The following EPHA4 variants were observed in gnomAD, a reference collection of about 807,000 sequenced individuals.
EPHA4 encodes ephrin type-A receptor 4.
EPHA4 carries 19 observed loss-of-function variants against 108.3 expected under a neutral mutation model. The observed-to-expected ratio is 0.18, with a 90% CI of 0.12 to 0.26. The LOEUF (loss-of-function observed/expected upper bound fraction) is 0.26, where lower values mean the gene tolerates loss of function less well. Ranked by LOEUF, EPHA4 falls within the 10% of genes least tolerant of loss-of-function variation. EPHA4 has a pLI of 1.00. For synonymous variants in EPHA4, 449 were observed against 455.5 expected, an observed-to-expected ratio of 0.99 and a Z score of 0.18; for missense variants, 917 against 1,254.0, an observed-to-expected ratio of 0.73 and a Z score of 4.06.
chr2:221,458,664 A>C (rs1278177657), intron 5 of EPHA4, among the ~76,000 whole-genome samples: 1 of 152,152 alleles, frequency 6.6e-6, no homozygotes, highest in Non-Finnish European at 1.5e-5. Flanking sequence ...TTCCACTGCG[A>C]AGGACACAAA....
intron 2 of EPHA4, 66 bp downstream of exon 2, chr2:221,568,652 G>C (rs1694739155): frequency 2.3e-6 from 3 of 1,300,548 alleles, no homozygotes; most frequent in Middle Eastern, 1.9e-4. Context: ...AAGCCATTAG[G>C]ACTCTCAGAA....
At chr2:221,430,610 T>A (rs1302401480) in intron 14 of EPHA4, among the ~76,000 whole-genome samples, 2 of 152,140 alleles carry the variant, frequency 1.3e-5, no homozygotes, top group African/African-American at 4.8e-5. Flanking sequence ...TTTCTTTGCC[T>A]CCTTTTAAGG....
intron 17 of EPHA4, among the ~76,000 whole-genome samples, chr2:221,424,119 GTAA>G (rs200318871): frequency 1.4e-5 from 2 of 145,662 alleles, no homozygotes; most frequent in African/African-American, 5.0e-5. Flanking sequence ...GTCTCAAATA[GTAA>G]TAATAATAAT....
At chr2:221,456,529 A>T in intron 7 of EPHA4, 84 bp downstream of exon 7, 3 of 1,425,038 alleles carry the variant, frequency 2.1e-6, no homozygotes, top group Non-Finnish European at 2.9e-6. Context: ...ATTACAGACA[A>T]CTCCTTAGAT....
chr2:221,463,216 C>T (rs1005741889), intron 5 of EPHA4, among the ~76,000 whole-genome samples: 18 of 152,032 alleles, frequency 1.2e-4, no homozygotes, highest in African/African-American at 4.3e-4. Context: ...GAAATTGTAG[C>T]AAAATACCAT....
At chr2:221,426,404 A>G in intron 16 of EPHA4, 60 bp downstream of exon 16, 1 of 1,540,844 alleles carries the variant, frequency 6.5e-7, no homozygotes, top group Non-Finnish European at 8.7e-7. Flanking sequence ...CTCAAAGCAA[A>G]AAAAGAAAAT....
intron 3 of EPHA4, among the ~76,000 whole-genome samples, chr2:221,553,052 G>A (rs988584199): frequency 2.0e-5 from 3 of 152,194 alleles, no homozygotes; most frequent in African/African-American, 7.2e-5. Flanking sequence ...CAAGAAAAAG[G>A]AGGGGTTGGG....
upstream of EPHA4, chr2:221,572,550 G>A (rs1034119294): frequency 1.5e-4 from 34 of 228,362 alleles, no homozygotes; most frequent in African/African-American, 7.8e-4. Context: ...GAGCCAGCGG[G>A]ATCCCCCACG....
intron 5 of EPHA4, among the ~76,000 whole-genome samples, chr2:221,474,632 T>C (rs1009657511): frequency 7.2e-5 from 11 of 152,116 alleles, no homozygotes; most frequent in Admixed American, 1.3e-4. Context: ...TACTAACAAC[T>C]GAGGATGCGC....
chr2:221,566,699 T>TA (rs1443432633), intron 2 of EPHA4, among the ~76,000 whole-genome samples: 1 of 151,374 alleles, frequency 6.6e-6, no homozygotes, highest in East Asian at 1.9e-4. Context: ...TGCATAGTTT[T>TA]AAATAGACCT....
chr2:221,572,323 G>T, upstream of EPHA4: 1 of 1,376,062 alleles, frequency 7.3e-7, no homozygotes, highest in Non-Finnish European at 1.0e-6. Flanking sequence ...AGAGCAGCGG[G>T]CTGAAGACAT....
intron 4 of EPHA4, among the ~76,000 whole-genome samples, chr2:221,491,273 T>C (rs1692135038): frequency 6.6e-6 from 1 of 152,202 alleles, no homozygotes; most frequent in Non-Finnish European, 1.5e-5. Context: ...AATTGAGTAT[T>C]TCATTTTTAA....
chr2:221,571,194 GCACA>G lies in EPHA4; in HGVS notation c.91+960_91+963del, dbSNP rs1180266608. 2.0e-5 allele frequency among the ~76,000 whole-genome samples: 3 copies of G among 150,522 alleles called. No homozygotes were observed. Among genetic ancestry groups the G allele is most frequent in the Non-Finnish European group, 4.4e-5 (3 of 67,462 alleles). On this transcript the variant is annotated intron_variant, in intron 1 of 17. Coordinates refer to ENST00000281821, the MANE Select transcript of EPHA4 (RefSeq NM_004438.5). This position sits in a 1 kb window ranked among gnomAD's most constrained non-coding sequence, Gnocchi z 6.3. Reference sequence around the variant, plus strand: ...CAGACATGCACACACACGCAGACATGCACACACACCACACATGCAGACATGCACA... The same window carrying G: ...CAGACATGCACACACACGCAGACATGCACACCACACATGCAGACATGCACA...
chr2:221,438,984 G>A (rs1466067576), intron 11 of EPHA4, among the ~76,000 whole-genome samples: 1 of 152,116 alleles, frequency 6.6e-6, no homozygotes, highest in African/African-American at 2.4e-5. Flanking sequence ...TTCACCTTAG[G>A]GGCAAAAGTG....
At chr2:221,558,932 G>A (rs1400868828) in intron 3 of EPHA4, among the ~76,000 whole-genome samples, 1 of 152,178 alleles carries the variant, frequency 6.6e-6, no homozygotes, top group Non-Finnish European at 1.5e-5. Context: ...AATTTCAACA[G>A]TGCAAAGGAT....
chr2:221,487,703 C>T (rs1692019547), intron 4 of EPHA4, among the ~76,000 whole-genome samples: 1 of 152,082 alleles, frequency 6.6e-6, no homozygotes, highest in African/African-American at 2.4e-5. Flanking sequence ...TTTGTACCAA[C>T]CTCATATAAA....
intron 3 of EPHA4, among the ~76,000 whole-genome samples, chr2:221,503,666 CAG>C (rs1692545417): frequency 1.3e-5 from 2 of 152,204 alleles, no homozygotes; most frequent in African/African-American, 4.8e-5. Context: ...GTTCTTTAAA[CAG>C]ACACTCTTTT....
At chr2:221,465,783 C>A (rs1332324316) in intron 5 of EPHA4, among the ~76,000 whole-genome samples, 3 of 152,144 alleles carry the variant, frequency 2.0e-5, no homozygotes, top group Non-Finnish European at 4.4e-5. Context: ...CAACTGGATG[C>A]GATTTCAGCA....
chr2:221,455,456 T>A (rs1690915710), intron 8 of EPHA4, 91 bp downstream of exon 8: 2 of 1,001,814 alleles, frequency 2.0e-6, no homozygotes, highest in South Asian at 2.8e-5. Flanking sequence ...TATGACGCAA[T>A]CAAAAGCCTT....
Sources: allele counts gnomAD v4.1 joint callset (sites outside exome capture counted in the v4.1 genomes callset), GRCh38; gene constraint gnomAD v4.1.1; non-coding constraint Gnocchi (gnomAD v3.1); transcripts MANE v1.5; gene names NCBI Gene and HGNC (gene_info 2026-07-23, HGNC 2026-07-21).